Variants in PMPCB observed in about 807,000 individuals in gnomAD.
PMPCB encodes the protein peptidase, mitochondrial processing subunit beta, also known as mitochondrial-processing peptidase subunit beta.
PMPCB carries 46 observed loss-of-function variants against 61.5 expected under a neutral mutation model. The observed-to-expected ratio is 0.75, with a 90% CI of 0.59 to 0.96. The LOEUF (loss-of-function observed/expected upper bound fraction) is 0.96. Ranked by LOEUF, PMPCB falls within the 40% of genes least tolerant of loss-of-function variation. The pLI, the probability that PMPCB is intolerant of heterozygous loss-of-function variation, is 0.00. For synonymous variants in PMPCB, 191 were observed against 201.6 expected (o/e 0.95, Z 0.44); for missense variants, 590 against 602.4 (o/e 0.98, Z 0.22).
chr7:103,312,752 A>G lies in PMPCB; in HGVS notation c.*481A>G, dbSNP rs572755279. On this transcript the variant is annotated 3_prime_UTR_variant, in exon 13 of 13. Transcript: ENST00000249269. ...GCAACTAAGATAGATAGTACTAAAT[A>G]TACTGATTTCATTATCTGCCAGGGC... The G allele has an allele frequency of 2.6e-6, 4 of 1,530,292 alleles. No individual in the cohort carries two copies. The highest frequency in any genetic ancestry group is 3.5e-6 in the Non-Finnish European group (4 of 1,147,728). The allele number at this position is 1,530,292 out of a possible 1,614,324, so 94.8% of individuals were successfully genotyped here.
chr7:103,346,522 T>G, the PMPCB span, among the ~76,000 whole-genome samples: 3 of 152,214 alleles, frequency 2.0e-5, no homozygotes, highest in Non-Finnish European at 4.4e-5. Flanking sequence ...TAATGTTAAG[T>G]ACATTCACAT....
At chr7:103,328,731 G>GT (rs201198665) in intron 12 of PMPCB, among the ~76,000 whole-genome samples, 1 of 152,080 alleles carries the variant, frequency 6.6e-6, no homozygotes, top group Admixed American at 6.6e-5. Context: ...ATTTTCCATG[G>GT]TTTTTTCCTT....
rs766161317 is a variant in PMPCB, at chr7:103,312,933, C to T, written c.*662C>T. Reference sequence around the variant, plus strand: ...TTTAAAATACAACAATCTATAAACGCTTAAGTCTGCAACCTTGTATCGTTT... The same window carrying T: ...TTTAAAATACAACAATCTATAAACGTTTAAGTCTGCAACCTTGTATCGTTT... On this transcript the variant is annotated 3_prime_UTR_variant, in exon 13 of 13. Coordinates refer to ENST00000249269, the MANE Select transcript of PMPCB (RefSeq NM_004279.3). The T allele has an allele frequency of 7.5e-6, 12 of 1,602,066 alleles. No homozygotes were observed. Among genetic ancestry groups the T allele is most frequent in the Non-Finnish European group, 1.0e-5 (12 of 1,177,048 alleles).
chr7:103,344,232 C>T, the PMPCB span: 2 of 360,196 alleles, frequency 5.6e-6, no homozygotes, highest in Non-Finnish European at 1.0e-5. Flanking sequence ...GTAGTCTTTC[C>T]ACCGTAGGCA....
chr7:103,305,043 A>G (rs564406280), intron 6 of PMPCB, among the ~76,000 whole-genome samples: 14 of 152,326 alleles, frequency 9.2e-5, no homozygotes, highest in African/African-American at 3.4e-4. Context: ...AACGTGCAAG[A>G]AAAGGGCAAA....
chr7:103,323,624 A>G (rs1373138334), intron 12 of PMPCB: 1 of 1,463,652 alleles, frequency 6.8e-7, no homozygotes, highest in Admixed American at 2.0e-5. Context: ...TTTCTTCTTC[A>G]TCTAAATAAG....
At chr7:103,321,455 T>A (rs1467846206) in intron 12 of PMPCB, among the ~76,000 whole-genome samples, 2 of 150,414 alleles carry the variant, frequency 1.3e-5, no homozygotes, top group African/African-American at 4.9e-5. Flanking sequence ...GAGGCGGGGG[T>A]TGCAGTGAGC....
chr7:103,321,814 C>T (rs1818434999), intron 12 of PMPCB: 2 of 1,219,354 alleles, frequency 1.6e-6, no homozygotes, highest in African/African-American at 1.5e-5. Flanking sequence ...CGCCACTGCA[C>T]TCCAGCCTGG....
At chr7:103,344,149 G>A in the PMPCB span, 25 of 192,180 alleles carry the variant, frequency 1.3e-4, 1 homozygote, top group East Asian at 2.5e-3. Context: ...ACGTAGAGAG[G>A]GAGAAAGTTG....
intron 12 of PMPCB, chr7:103,328,881 A>G (rs1007235058): frequency 8.3e-5 from 46 of 557,172 alleles, no homozygotes; most frequent in African/African-American, 8.2e-4. Context: ...GCCAATTTGA[A>G]TAATTTTAAA....
intron 12 of PMPCB, chr7:103,322,021 T>C (rs1314337963): frequency 1.2e-6 from 2 of 1,613,886 alleles, no homozygotes; most frequent in African/African-American, 1.3e-5. Context: ...GCTTGCTGTC[T>C]GACTTCCTCC....
chr7:103,315,717 A>G (rs1016950269), downstream of PMPCB: 4 of 1,299,324 alleles, frequency 3.1e-6, no homozygotes, highest in African/African-American at 5.8e-5. Context: ...TCCAAGCAGC[A>G]CAGATACATG....
intron 1 of PMPCB, among the ~76,000 whole-genome samples, chr7:103,298,129 T>TC (rs112601698): frequency 2.9e-4 from 40 of 137,730 alleles, no homozygotes; most frequent in East Asian, 2.6e-3. Flanking sequence ...CCTCTCTCTC[T>TC]TTTTTTTTTT....
Position 103,300,243 on chromosome 7 carries a change from TG to T in PMPCB, c.394del (p.Ala132ProfsTer23), listed in dbSNP as rs1466305506. 9.9e-6 allele frequency: 16 copies of T among 1,611,548 alleles called. No homozygotes were observed. The highest frequency in any genetic ancestry group is 1.4e-5 in the Non-Finnish European group (16 of 1,177,818). ...TTGAAAATATGGGTGCTCATCTCAA[TG>T]CCTATACCTCCAGAGAGCAGACTGT... ...EIENMGAHLN[A>X]YTSREQTVYY... On this transcript the variant is annotated frameshift_variant, in exon 4 of 13. Coordinates refer to ENST00000249269, the MANE Select transcript of PMPCB (RefSeq NM_004279.3). LOFTEE classifies it high-confidence loss of function.
At chr7:103,321,218 A>T (rs1818390797) in intron 12 of PMPCB, among the ~76,000 whole-genome samples, 1 of 151,906 alleles carries the variant, frequency 6.6e-6, no homozygotes, top group African/African-American at 2.4e-5. Flanking sequence ...CAAAAACTTA[A>T]TTAGAAAAAG....
downstream of PMPCB, among the ~76,000 whole-genome samples, chr7:103,332,215 C>A (rs1819005109): frequency 6.6e-6 from 1 of 152,118 alleles, no homozygotes; most frequent in Admixed American, 6.5e-5. Context: ...CCGTGTTAGC[C>A]AGGATGGTCT....
chr7:103,306,886 G>C (rs1229194133), intron 6 of PMPCB, among the ~76,000 whole-genome samples: 1 of 152,040 alleles, frequency 6.6e-6, no homozygotes, highest in Non-Finnish European at 1.5e-5. Flanking sequence ...CTCCTGAATA[G>C]CTGGGATTAT....
At chr7:103,327,563 G>T in intron 12 of PMPCB, 1 of 816,924 alleles carries the variant, frequency 1.2e-6, no homozygotes, top group Non-Finnish European at 2.0e-6. Context: ...AAGGATAGTT[G>T]AATGAACTAC....
chr7:103,341,435 A>T, the PMPCB span, among the ~76,000 whole-genome samples: 1 of 152,172 alleles, frequency 6.6e-6, no homozygotes, highest in Non-Finnish European at 1.5e-5. Flanking sequence ...AAGAGGCACT[A>T]CATATTCTTT....
Sources: allele counts gnomAD v4.1 joint callset (sites outside exome capture counted in the v4.1 genomes callset), GRCh38; gene constraint gnomAD v4.1.1; transcripts MANE v1.5; gene names NCBI Gene and HGNC (gene_info 2026-07-23, HGNC 2026-07-21).